Variants in SHOC1 observed in about 807,000 individuals in gnomAD.
SHOC1 encodes protein shortage in chiasmata 1 ortholog.
Under a neutral mutation model 179.2 loss-of-function variants are expected in SHOC1, and 136 were observed. The observed-to-expected ratio is 0.76, with a 90% CI of 0.66 to 0.87. The LOEUF is 0.87. SHOC1 is among the 40% of genes least tolerant of loss of function. The pLI is 0.00. For missense variants in SHOC1, 1,538 were observed against 1,700.8 expected (o/e 0.90, Z 1.68); for synonymous variants, 489 against 586.6 (o/e 0.83, Z 2.41).
At position 111,785,906 on chromosome 9, in the gene SHOC1, A is replaced by G. The variant is rs1229603862; in HGVS notation, c.169+6T>C. The G allele has an allele frequency of 6.9e-7, 1 of 1,455,266 alleles. No homozygotes were observed. The allele number at this position is 1,455,266 out of a possible 1,614,324, so 90.1% of individuals were successfully genotyped here. On this transcript the variant is annotated splice_donor_region_variant and intron_variant, in intron 3 of 27. Coordinates refer to ENST00000682961, the MANE Select transcript of SHOC1 (RefSeq NM_001378211.1). The stretch of plus-strand genomic sequence containing the variant: ...ACACATTTTTAAGAAATGAAAACAA[A>G]CATACCTCTCGTCCATGGCCTCCTA...
At chr9:111,787,578 T>G (rs922894022) in intron 2 of SHOC1, among the ~76,000 whole-genome samples, 1 of 152,190 alleles carries the variant, frequency 6.6e-6, no homozygotes, top group African/African-American at 2.4e-5. Context: ...CTTGAACAGA[T>G]GAGGAGCTGC....
intron 3 of SHOC1, among the ~76,000 whole-genome samples, chr9:111,782,910 T>G (rs1196073845): frequency 6.6e-6 from 1 of 152,140 alleles, no homozygotes; most frequent in African/African-American, 2.4e-5. Flanking sequence ...TCTACCAACT[T>G]ACTGGCATAA....
chr9:111,698,704 T>C (rs1831823051), intron 24 of SHOC1, among the ~76,000 whole-genome samples: 1 of 152,076 alleles, frequency 6.6e-6, no homozygotes, highest in Admixed American at 6.6e-5. Flanking sequence ...TGACAGCTAG[T>C]GGTAAGAGAA....
chr9:111,693,840 G>C lies in SHOC1; in HGVS notation c.3424C>G (p.Leu1142Val), dbSNP rs776994822. Residue 1142 changes from leucine to valine, a missense_variant, in exon 26 of 28, where the codon CTT becomes GTT. Coordinates refer to ENST00000682961, the MANE Select transcript of SHOC1 (RefSeq NM_001378211.1). ...HWILLATLCQLQELLPEVPEK... is the reference protein window; with the variant it reads ...HWILLATLCQVQELLPEVPEK... ...GGGACTTCAGGTAGGAGTTCCTGAAGTTGACACAGAGTTGCTAATAATATC... is the reference window on the plus strand; with the variant it reads ...GGGACTTCAGGTAGGAGTTCCTGAACTTGACACAGAGTTGCTAATAATATC... 1 of 1,611,642 alleles carries C rather than the reference G, an allele frequency of 6.2e-7. No individual in the cohort carries two copies. Among genetic ancestry groups the C allele is most frequent in the South Asian group, 1.1e-5 (1 of 90,764 alleles).
intron 8 of SHOC1, among the ~76,000 whole-genome samples, chr9:111,750,064 A>G (rs1834504970): frequency 6.6e-6 from 1 of 152,168 alleles, no homozygotes; most frequent in Non-Finnish European, 1.5e-5. Flanking sequence ...TTGCTGGGTC[A>G]AATGGTATTT....
intron 1 of SHOC1, among the ~76,000 whole-genome samples, 168 bp from the exon 2 acceptor site, chr9:111,791,622 T>A (rs1330071778): frequency 6.6e-6 from 1 of 152,208 alleles, no homozygotes; most frequent in Non-Finnish European, 1.5e-5. Context: ...GAAAATAATG[T>A]ATATTGATAG....
At chr9:111,763,509 G>C (rs1276113256) in intron 5 of SHOC1, among the ~76,000 whole-genome samples, 2 of 151,988 alleles carry the variant, frequency 1.3e-5, no homozygotes, top group Non-Finnish European at 2.9e-5. Flanking sequence ...GAATCGAATG[G>C]AACAATGCCT....
At chr9:111,755,095 T>C (rs1195801074) in intron 8 of SHOC1, among the ~76,000 whole-genome samples, 1 of 152,208 alleles carries the variant, frequency 6.6e-6, no homozygotes, top group Non-Finnish European at 1.5e-5. Flanking sequence ...AGAAGTCCTC[T>C]GTGGCAGTGA....
intron 15 of SHOC1, among the ~76,000 whole-genome samples, chr9:111,718,908 A>C (rs1294163612): frequency 6.6e-6 from 1 of 152,158 alleles, no homozygotes; most frequent in Non-Finnish European, 1.5e-5. Context: ...AGAAGATGGG[A>C]TTCTAGACCC....
intron 5 of SHOC1, among the ~76,000 whole-genome samples, chr9:111,760,232 T>G (rs1462840798): frequency 6.6e-6 from 1 of 152,218 alleles, no homozygotes; most frequent in Non-Finnish European, 1.5e-5. Flanking sequence ...ATCCACCCTT[T>G]TTTGATGAAA....
chr9:111,767,309 G>A (rs1213319911), intron 5 of SHOC1, among the ~76,000 whole-genome samples: 1 of 152,094 alleles, frequency 6.6e-6, no homozygotes, highest in Non-Finnish European at 1.5e-5. Context: ...TCTTCTAGTA[G>A]TTTCACAGTT....
At chr9:111,746,378 G>T in intron 9 of SHOC1, 36 bp from the exon 10 acceptor site, 2 of 1,372,348 alleles carry the variant, frequency 1.5e-6, no homozygotes, top group South Asian at 1.2e-5. Context: ...TGTAAACATT[G>T]AATAATATTA....
intron 5 of SHOC1, among the ~76,000 whole-genome samples, chr9:111,775,081 C>G (rs561571837): frequency 2.0e-5 from 3 of 152,070 alleles, no homozygotes; most frequent in African/African-American, 7.2e-5. Context: ...CTGTAACCTC[C>G]GTCCCCTGGG....
chr9:111,700,894 G>A (rs763195381), intron 23 of SHOC1, among the ~76,000 whole-genome samples: 4 of 152,128 alleles, frequency 2.6e-5, no homozygotes, highest in East Asian at 1.9e-4. Flanking sequence ...TAATGAGCTC[G>A]TCTGGTAGAG....
chr9:111,747,339 A>G (rs1439826800), intron 9 of SHOC1, among the ~76,000 whole-genome samples: 1 of 152,184 alleles, frequency 6.6e-6, no homozygotes. Flanking sequence ...CTAAGATTCA[A>G]AATTTGGTAG....
At position 111,718,761 on chromosome 9, in the gene SHOC1, G is replaced by A. The variant is rs115482585; in HGVS notation, c.2132-473C>T. Among the ~76,000 whole-genome samples, 437 of 152,156 alleles carry A rather than the reference G, an allele frequency of 2.9e-3. 1 individual carries two copies. The highest frequency in any genetic ancestry group is 0.01 in the African/African-American group (426 of 41,450). On this transcript the variant is annotated intron_variant, in intron 15 of 27. Transcript: ENST00000682961. Reference sequence around the variant, plus strand: ...ACCTTGAAATGGAGGTAGACACCTAGGAATATTTATTCAAAGGTATAACTC... The same window carrying A: ...ACCTTGAAATGGAGGTAGACACCTAAGAATATTTATTCAAAGGTATAACTC...
intron 10 of SHOC1, among the ~76,000 whole-genome samples, chr9:111,742,695 G>A (rs1834099390): frequency 6.6e-6 from 1 of 152,102 alleles, no homozygotes; most frequent in African/African-American, 2.4e-5. Context: ...CTAATTATAA[G>A]TATTGCCAGT....
At chr9:111,785,430 C>T (rs1333711) in intron 3 of SHOC1, among the ~76,000 whole-genome samples, 28,606 of 152,016 alleles carry the variant, frequency 0.19, 2,880 homozygotes, top group Non-Finnish European at 0.22. Flanking sequence ...GTCCTTAGTA[C>T]TTATAACAGT....
chr9:111,716,380 C>T (rs1352617888), intron 16 of SHOC1, among the ~76,000 whole-genome samples: 1 of 130,104 alleles, frequency 7.7e-6, no homozygotes, highest in African/African-American at 3.0e-5. Context: ...TTCTTTTCTC[C>T]CTTTTTTTTT....
Sources: gnomAD v4.1 joint callset for allele counts (sites outside exome capture counted in the v4.1 genomes callset) on GRCh38, gnomAD v4.1.1 for gene constraint, MANE v1.5 for transcripts, NCBI Gene and HGNC (gene_info 2026-07-23, HGNC 2026-07-21) for gene names.